The following ZMYM2 variants were observed in gnomAD, a reference collection of about 807,000 sequenced individuals.
The protein encoded by ZMYM2 is zinc finger MYM-type containing 2.
In ZMYM2, 56 loss-of-function variants were observed where a neutral mutation model predicts 162.8. The ratio of observed to expected loss-of-function variants is 0.34; its 90% CI spans 0.28 to 0.43. ZMYM2 has a LOEUF of 0.43. Ranked by LOEUF, ZMYM2 falls within the 20% of genes least tolerant of loss-of-function variation. The probability of loss-of-function intolerance (pLI) is 1.00; values close to 1 mark genes in which losing one functional copy is unlikely to be tolerated. For missense variants in ZMYM2, 1,275 were observed against 1,621.8 expected (o/e 0.79, Z 3.67); for synonymous variants, 510 against 541.6 (o/e 0.94, Z 0.81).
chr13:19,876,991 G>A, the ZMYM2 span, among the ~76,000 whole-genome samples: 1 of 152,076 alleles, frequency 6.6e-6, no homozygotes, highest in African/African-American at 2.4e-5. Context: ...TTGGGAGGCC[G>A]AGGCGGGCGG....
intron 2 of ZMYM2, among the ~76,000 whole-genome samples, chr13:19,971,148 T>C (rs1357247044): frequency 1.3e-5 from 2 of 151,184 alleles, no homozygotes; most frequent in African/African-American, 2.4e-5. Flanking sequence ...GGGGAAGAAT[T>C]GTAGGCTTTC....
At chr13:20,059,100 T>C (rs189349772) in intron 15 of ZMYM2, among the ~76,000 whole-genome samples, 36 of 152,330 alleles carry the variant, frequency 2.4e-4, no homozygotes, top group Admixed American at 2.0e-3. Context: ...TTATGAAATT[T>C]ACAGTGTTAC....
At chr13:19,977,535 C>T (rs28630809) in intron 2 of ZMYM2, among the ~76,000 whole-genome samples, 14,958 of 150,270 alleles carry the variant, frequency 0.1, 1,247 homozygotes, top group African/African-American at 0.22. Flanking sequence ...CTTTGTCACC[C>T]GGGCTGGAGT....
Position 20,051,450 on chromosome 13 carries a change from T to C in ZMYM2, c.2310T>C (p.Cys770=), listed in dbSNP as rs764847023. 1.2e-6 allele frequency: 2 copies of C among 1,612,660 alleles called. No homozygotes were observed. Among genetic ancestry groups the C allele is most frequent in the Non-Finnish European group, 1.7e-6 (2 of 1,179,350 alleles). The change falls in exon 13 of 25, where the codon TGT becomes TGC. Residue 770 remains cysteine (C), a synonymous_variant. Coordinates refer to ENST00000610343, the MANE Select transcript of ZMYM2 (RefSeq NM_197968.4). ...AAATTAAGGCTGCAAGGTGTGACTGTTGTAAATCTCAAGGAACTCTTAAAG... is the reference window on the plus strand; with the variant it reads ...AAATTAAGGCTGCAAGGTGTGACTGCTGTAAATCTCAAGGAACTCTTAAAG... ...DWYYKAARCD[C]CKSQGTLKER...
chr13:20,080,811 T>C (rs1957862012), intron 21 of ZMYM2, among the ~76,000 whole-genome samples: 1 of 152,170 alleles, frequency 6.6e-6, no homozygotes, highest in African/African-American at 2.4e-5. Context: ...TTTTAATTGC[T>C]GTTTAGACCA....
chr13:19,895,332 T>G, the ZMYM2 span, among the ~76,000 whole-genome samples: 1 of 151,910 alleles, frequency 6.6e-6, no homozygotes, highest in African/African-American at 2.4e-5. Flanking sequence ...TGTCTTAATC[T>G]GTTTTCTGTT....
intron 6 of ZMYM2, among the ~76,000 whole-genome samples, chr13:20,017,749 TCTGTATATCTTCTATTTC>T (rs2140140234): frequency 1.3e-5 from 2 of 152,302 alleles, no homozygotes; most frequent in East Asian, 3.9e-4. Context: ...ATTTTATTCT[TCTGTATATCTTCTATTTC>T]TTTTCTAGAA....
chr13:19,868,203 C>T, the ZMYM2 span, among the ~76,000 whole-genome samples: 2 of 152,220 alleles, frequency 1.3e-5, no homozygotes, highest in African/African-American at 4.8e-5. Flanking sequence ...TTCATCTCTA[C>T]ATTTTTATTT....
the ZMYM2 span, among the ~76,000 whole-genome samples, chr13:19,905,482 C>T: frequency 3.3e-5 from 5 of 152,096 alleles, no homozygotes; most frequent in African/African-American, 7.2e-5. Context: ...ACACCCCAAC[C>T]AACTTAATTA....
At chr13:20,029,064 T>C (rs1017055145) in intron 9 of ZMYM2, among the ~76,000 whole-genome samples, 7 of 152,250 alleles carry the variant, frequency 4.6e-5, no homozygotes, top group African/African-American at 1.7e-4. Context: ...AACAGGATAG[T>C]ATTCCCACTT....
At chr13:19,866,331 C>G in the ZMYM2 span, among the ~76,000 whole-genome samples, 7 of 152,102 alleles carry the variant, frequency 4.6e-5, no homozygotes, top group African/African-American at 1.7e-4. Flanking sequence ...GTAAATTTTG[C>G]CTGTCATTGT....
At chr13:19,904,494 G>T in the ZMYM2 span, among the ~76,000 whole-genome samples, 1 of 152,112 alleles carries the variant, frequency 6.6e-6, no homozygotes, top group African/African-American at 2.4e-5. Context: ...GGAGGCGGAG[G>T]TTGCTGTGAG....
chr13:20,030,908 A>C (rs1278814166), intron 9 of ZMYM2, among the ~76,000 whole-genome samples: 2 of 152,212 alleles, frequency 1.3e-5, no homozygotes, highest in Non-Finnish European at 2.9e-5. Context: ...ACATTAGTAA[A>C]TTAGATATTT....
At chr13:20,007,737 C>T (rs1489359967) in intron 6 of ZMYM2, among the ~76,000 whole-genome samples, 1 of 151,352 alleles carries the variant, frequency 6.6e-6, no homozygotes, top group Non-Finnish European at 1.5e-5. Context: ...TCTCCTGCCT[C>T]AGCCTCCTGA....
chr13:19,987,619 TC>T (rs1949275257), intron 2 of ZMYM2, among the ~76,000 whole-genome samples: 1 of 53,262 alleles, frequency 1.9e-5, no homozygotes, highest in Non-Finnish European at 3.6e-5. Flanking sequence ...TGGGGTTTTG[TC>T]GTGTGTGTGT....
intron 21 of ZMYM2, among the ~76,000 whole-genome samples, chr13:20,078,105 C>A (rs1339667075): frequency 2.0e-5 from 3 of 152,184 alleles, no homozygotes; most frequent in Non-Finnish European, 4.4e-5. Flanking sequence ...ACGTGAGCCC[C>A]ACTGCACCTG....
At chr13:20,077,647 A>G (rs1001247477) in intron 21 of ZMYM2, among the ~76,000 whole-genome samples, 5 of 152,102 alleles carry the variant, frequency 3.3e-5, no homozygotes, top group South Asian at 2.1e-4. Context: ...GAGAGGGACA[A>G]TGGCAGTACA....
upstream of ZMYM2, among the ~76,000 whole-genome samples, chr13:19,954,590 T>G (rs1040749197): frequency 6.6e-6 from 1 of 152,178 alleles, no homozygotes; most frequent in Admixed American, 6.5e-5. Context: ...TTATGGATTT[T>G]TGGTTGCTAT....
chr13:19,940,931 A>G, the ZMYM2 span, among the ~76,000 whole-genome samples: 1 of 152,218 alleles, frequency 6.6e-6, no homozygotes, highest in Non-Finnish European at 1.5e-5. Context: ...ACTGCCCTCC[A>G]AGAGACTAGA....
Sources: allele counts gnomAD v4.1 joint callset (sites outside exome capture counted in the v4.1 genomes callset), GRCh38; gene constraint gnomAD v4.1.1; transcripts MANE v1.5; gene names NCBI Gene and HGNC (gene_info 2026-07-23, HGNC 2026-07-21).